ADAMTS3: variants seen among roughly 807,000 people sequenced by gnomAD.
ADAMTS3 encodes ADAM metallopeptidase with thrombospondin type 1 motif 3.
ADAMTS3 carries 73 observed loss-of-function variants against 129.0 expected under a neutral mutation model. The ratio of observed to expected loss-of-function variants is 0.57; its 90% CI spans 0.47 to 0.69. The LOEUF is 0.69. Ranked by LOEUF, ADAMTS3 falls within the 30% of genes least tolerant of loss-of-function variation. ADAMTS3 has a pLI of 0.00. For synonymous variants in ADAMTS3, 477 were observed against 510.8 expected, an observed-to-expected ratio of 0.93 and a Z score of 0.89; for missense variants, 1,457 against 1,514.5, an observed-to-expected ratio of 0.96 and a Z score of 0.63.
chr4:72,406,000 A>G (rs975453106), intron 4 of ADAMTS3, among the ~76,000 whole-genome samples: 3 of 152,140 alleles, frequency 2.0e-5, no homozygotes, highest in Non-Finnish European at 2.9e-5. Flanking sequence ...TCTGTTCACA[A>G]TCTAAGAAGC....
intron 3 of ADAMTS3, among the ~76,000 whole-genome samples, chr4:72,485,852 C>T (rs1315228894): frequency 6.6e-6 from 1 of 152,084 alleles, no homozygotes; most frequent in African/African-American, 2.4e-5. Flanking sequence ...AGATTAGTGC[C>T]CTTATAAAAG....
At chr4:72,322,884 C>T in intron 6 of ADAMTS3, 130 bp downstream of exon 6, 2 of 641,964 alleles carry the variant, frequency 3.1e-6, no homozygotes, top group South Asian at 2.6e-5. Flanking sequence ...TTCTTCTCCT[C>T]AATTTCAAGC....
At chr4:72,443,988 TCA>T (rs1718186654) in intron 3 of ADAMTS3, among the ~76,000 whole-genome samples, 1 of 151,660 alleles carries the variant, frequency 6.6e-6, no homozygotes, top group Non-Finnish European at 1.5e-5. Flanking sequence ...AGACAAGTAA[TCA>T]CCATAGTGAA....
Position 72,486,546 on chromosome 4 carries a change from G to A in ADAMTS3, c.504+61932C>T, listed in dbSNP as rs529131096. ...CGTCATTAATAAATCCAGGGCTTTG[G>A]ATGGATTCTATTTTTAGAGTGCTTG... On this transcript the variant is annotated intron_variant, in intron 3 of 21. Transcript: ENST00000286657. Among the ~76,000 whole-genome samples the A allele has an allele frequency of 1.4e-3, 213 of 152,250 alleles. 1 individual carries two copies. The highest frequency in any genetic ancestry group is 5.0e-3 in the African/African-American group (207 of 41,550).
At chr4:72,298,553 T>C in intron 17 of ADAMTS3, 111 bp from the exon 18 acceptor site, 1 of 795,506 alleles carries the variant, frequency 1.3e-6, no homozygotes. Context: ...AACTTTCAAA[T>C]AGTTTCAAAA....
intron 3 of ADAMTS3, among the ~76,000 whole-genome samples, chr4:72,449,602 T>A (rs1718341411): frequency 6.6e-6 from 1 of 151,784 alleles, no homozygotes; most frequent in Non-Finnish European, 1.5e-5. Context: ...CTGCCCATCC[T>A]CTATTCCATT....
chr4:72,416,683 G>T (rs924460264), intron 3 of ADAMTS3, among the ~76,000 whole-genome samples: 20 of 152,206 alleles, frequency 1.3e-4, no homozygotes, highest in Admixed American at 3.9e-4. Context: ...ATTCAGAGTT[G>T]TTCCTATTGG....
chr4:72,301,773 A>G (rs1012507409), intron 17 of ADAMTS3, among the ~76,000 whole-genome samples: 14 of 152,148 alleles, frequency 9.2e-5, no homozygotes, highest in Admixed American at 7.9e-4. Flanking sequence ...AAGAAGAGAA[A>G]CAAGCCAGAT....
chr4:72,413,105 A>C (rs76417731), intron 4 of ADAMTS3, among the ~76,000 whole-genome samples: 278 of 152,064 alleles, frequency 1.8e-3, no homozygotes, highest in African/African-American at 6.5e-3. Flanking sequence ...TCTTCTTATA[A>C]ATATCAGACT....
chr4:72,388,604 A>G (rs1278339756), intron 4 of ADAMTS3, among the ~76,000 whole-genome samples: 1 of 152,154 alleles, frequency 6.6e-6, no homozygotes, highest in Non-Finnish European at 1.5e-5. Flanking sequence ...AAAAATAAAT[A>G]AATGTCTTTT....
chr4:72,517,422 T>A (rs1409725615), intron 3 of ADAMTS3, among the ~76,000 whole-genome samples: 1 of 152,234 alleles, frequency 6.6e-6, no homozygotes, highest in Non-Finnish European at 1.5e-5. Context: ...TACCAGTTCC[T>A]CCTTGTACCT....
chr4:72,530,299 A>G (rs1578767838), intron 3 of ADAMTS3, among the ~76,000 whole-genome samples: 1 of 83,924 alleles, frequency 1.2e-5, no homozygotes, highest in African/African-American at 4.8e-5. Flanking sequence ...TATAATATAT[A>G]ATATAATTAT....
At position 72,568,868 on chromosome 4, in the gene ADAMTS3, A is replaced by G. The variant is rs1056425646; in HGVS notation, c.-106T>C. ...CTTTAAGAAAAAAAGGAAAAGGGAA[A>G]AAATGCGAAATAGAAAAAAATGATC... is the stretch of plus-strand genomic sequence containing the variant. On this transcript the variant is annotated 5_prime_UTR_variant, in exon 1 of 22. Coordinates refer to ENST00000286657, the MANE Select transcript of ADAMTS3 (RefSeq NM_014243.3). 7.3e-6 allele frequency: 6 copies of G among 826,368 alleles called. No individual in the cohort carries two copies. In the African/African-American group the frequency reaches 1.1e-4, roughly 15 times the overall value. 51.2% of individuals were successfully genotyped at this position (826,368 alleles called of 1,614,324 possible). A position where few individuals can be genotyped will look rare whatever the true frequency, so the allele number is the denominator to read the frequency against.
intron 4 of ADAMTS3, among the ~76,000 whole-genome samples, chr4:72,379,368 T>C (rs1236396119): frequency 6.6e-6 from 1 of 151,844 alleles, no homozygotes; most frequent in Non-Finnish European, 1.5e-5. Flanking sequence ...TTGCATCTAC[T>C]TCACGCGCTG....
intron 4 of ADAMTS3, among the ~76,000 whole-genome samples, chr4:72,348,503 T>A (rs982752423): frequency 2.0e-5 from 3 of 152,038 alleles, no homozygotes; most frequent in African/African-American, 7.2e-5. Flanking sequence ...GCAAGCCGAC[T>A]TTCTAAAATG....
At chr4:72,468,683 C>T (rs187750831) in intron 3 of ADAMTS3, among the ~76,000 whole-genome samples, 7 of 151,812 alleles carry the variant, frequency 4.6e-5, no homozygotes, top group South Asian at 2.1e-4. Flanking sequence ...TCCGTTATTT[C>T]GAACAACATT....
chr4:72,322,084 C>T (rs556913808), intron 6 of ADAMTS3, among the ~76,000 whole-genome samples: 1 of 152,166 alleles, frequency 6.6e-6, no homozygotes, highest in African/African-American at 2.4e-5. Flanking sequence ...AATCAGTTTC[C>T]TTTTTTAATA....
intron 3 of ADAMTS3, among the ~76,000 whole-genome samples, chr4:72,509,944 C>T (rs937510066): frequency 6.6e-6 from 1 of 151,862 alleles, no homozygotes; most frequent in African/African-American, 2.4e-5. Flanking sequence ...CCCTGGGATT[C>T]AAGGATGGTT....
chr4:72,568,339 C>T (rs1341156320), intron 1 of ADAMTS3, among the ~76,000 whole-genome samples: 1 of 152,214 alleles, frequency 6.6e-6, no homozygotes, highest in Non-Finnish European at 1.5e-5. Flanking sequence ...TCCAGAACTT[C>T]ATTCAAGCGC....
Sources: gnomAD v4.1 joint callset for allele counts (sites outside exome capture counted in the v4.1 genomes callset) on GRCh38, gnomAD v4.1.1 for gene constraint, MANE v1.5 for transcripts, NCBI Gene and HGNC (gene_info 2026-07-23, HGNC 2026-07-21) for gene names.